The following XRCC5 variants were observed in gnomAD, a reference collection of about 807,000 sequenced individuals.
The protein encoded by XRCC5 is DNA repair protein Ku80.
A neutral mutation model predicts 95.7 loss-of-function variants in XRCC5; 12 were observed. That is an observed-to-expected ratio of 0.13 (90% CI 0.08 to 0.20). The LOEUF is 0.20. XRCC5 is among the 10% of genes least tolerant of loss of function. The pLI, the probability that XRCC5 is intolerant of heterozygous loss-of-function variation, is 1.00. For missense variants in XRCC5, 595 were observed against 873.9 expected (o/e 0.68, Z 4.02); for synonymous variants, 281 against 290.3 (o/e 0.97, Z 0.33).
intron 14 of XRCC5, among the ~76,000 whole-genome samples, chr2:216,157,492 CG>C (rs1373309478): frequency 2.0e-5 from 3 of 152,162 alleles, no homozygotes; most frequent in African/African-American, 7.2e-5. Flanking sequence ...CTCAGCCTCC[CG>C]AAGTGCTGGG....
Position 216,127,554 on chromosome 2 carries a change from A to G in XRCC5, c.817A>G (p.Lys273Glu). Reference protein sequence around the residue: ...AYKSILQERVKKTWTVVDAKT... With the variant: ...AYKSILQERVEKTWTVVDAKT... ...ATGTAAGATTCTACAGGAGAGAGTT[A>G]AAAAGACTTGGACAGTTGTGGATGC... The change falls in exon 8 of 21, where the codon AAA (lysine) becomes GAA (glutamate). Residue 273 changes from lysine (K) to glutamate (E), a missense_variant. By Grantham distance (56) the Lys-to-Glu change is moderately conservative. Around this residue, in one of 2 missense-constraint regions of XRCC5, gnomAD observed 286 missense variants for 491.1 expected, o/e 0.58. Transcript: ENST00000392132. The G allele has an allele frequency of 6.2e-7, 1 of 1,603,334 alleles. No homozygotes were observed. The highest frequency in any genetic ancestry group is 8.5e-7 in the Non-Finnish European group (1 of 1,177,342).
intron 16 of XRCC5, among the ~76,000 whole-genome samples, chr2:216,169,034 A>G (rs1689104921): frequency 1.3e-5 from 2 of 152,276 alleles, no homozygotes; most frequent in Admixed American, 6.5e-5. Context: ...GCCTGTTGAT[A>G]GGACTTTTGA....
rs140513362 is a variant in XRCC5 at position 216,172,871 on chromosome 2, TC to T, written c.1834+10825del. Among the ~76,000 whole-genome samples the T allele has an allele frequency of 2.8e-3, 420 of 152,338 alleles. 4 individuals carry two copies. The highest frequency in any genetic ancestry group is 9.7e-3 in the African/African-American group (402 of 41,582). ...TTGCCATTTTAATAATACTGAGTTATCCATGAACATGGAATAGTTACTCATT... is the reference window on the plus strand; with the variant it reads ...TTGCCATTTTAATAATACTGAGTTATCATGAACATGGAATAGTTACTCATT... On this transcript the variant is annotated intron_variant, in intron 16 of 20. Transcript: ENST00000392132.
intron 19 of XRCC5, among the ~76,000 whole-genome samples, chr2:216,200,645 C>T (rs564463569): frequency 3.3e-5 from 5 of 152,160 alleles, no homozygotes; most frequent in Admixed American, 3.3e-4. Context: ...TAGAACATTT[C>T]CATCACCACA....
intron 4 of XRCC5, 71 bp downstream of exon 4, chr2:216,117,865 G>C: frequency 1.4e-6 from 2 of 1,454,062 alleles, no homozygotes; most frequent in South Asian, 2.3e-5. Flanking sequence ...TGTATTGAAT[G>C]TATTTTGTGA....
At position 216,194,946 on chromosome 2, in the gene XRCC5, A is replaced by C; in HGVS notation, c.2069A>C (p.Glu690Ala). 6.2e-7 allele frequency: 1 copy of C among 1,614,182 alleles called. No individual in the cohort carries two copies. The highest frequency in any genetic ancestry group is 8.5e-7 in the Non-Finnish European group (1 of 1,180,010). The change falls in exon 19 of 21, where the codon GAA (glutamate) becomes GCA (alanine). Residue 690 changes from glutamate (E) to alanine (A), a missense_variant. Around this residue, in one of 2 missense-constraint regions of XRCC5, gnomAD observed 309 missense variants for 382.9 expected, o/e 0.81. Coordinates refer to ENST00000392132, the MANE Select transcript of XRCC5 (RefSeq NM_021141.4). The stretch of plus-strand genomic sequence containing the variant: ...GGAATTACTCTGATCACCAAAGAGG[A>C]AGCCTCTGGAAGTTCTGTCACAGCT... ...QDGITLITKE[E>A]ASGSSVTAEE...
In XRCC5 at chr2:216,109,434, A is replaced by G. The variant is rs771148075; in HGVS notation, c.-3A>G. The G allele has an allele frequency of 6.2e-7, 1 of 1,614,092 alleles. No homozygotes were observed. Among genetic ancestry groups the G allele is most frequent in the Non-Finnish European group, 8.5e-7 (1 of 1,179,962 alleles). The stretch of plus-strand genomic sequence containing the variant: ...GCGACCAAAGCGCCTGAGGACCGGC[A>G]ACATGGTGCGGTCGGGGAATAAGGT... On this transcript the variant is annotated 5_prime_UTR_variant, in exon 1 of 21. Coordinates refer to ENST00000392132, the MANE Select transcript of XRCC5 (RefSeq NM_021141.4).
At chr2:216,176,993 A>G (rs1689289452) in intron 16 of XRCC5, among the ~76,000 whole-genome samples, 1 of 152,196 alleles carries the variant, frequency 6.6e-6, no homozygotes, top group African/African-American at 2.4e-5. Flanking sequence ...AATTCCAAAT[A>G]TTGAAGATTT....
At chr2:216,156,332 A>C (rs3755148) in intron 14 of XRCC5, 1 of 666,394 alleles carries the variant, frequency 1.5e-6, no homozygotes, top group African/African-American at 1.8e-5. Context: ...CTGTGGAGGT[A>C]CCTTTCTGAA....
At chr2:216,135,039 A>G (rs1421172529) in intron 10 of XRCC5, among the ~76,000 whole-genome samples, 1 of 152,212 alleles carries the variant, frequency 6.6e-6, no homozygotes, top group African/African-American at 2.4e-5. Context: ...AAAAGTAATG[A>G]TTCTGTTATG....
intron 13 of XRCC5, 147 bp from the exon 14 acceptor site, chr2:216,147,936 T>A (rs1333862415): frequency 2.4e-6 from 2 of 839,414 alleles, no homozygotes; most frequent in African/African-American, 3.5e-5. Context: ...CAAAGGTGGT[T>A]CTAGGTGAAT....
At chr2:216,155,666 C>T (rs975493045) in intron 14 of XRCC5, among the ~76,000 whole-genome samples, 3 of 152,146 alleles carry the variant, frequency 2.0e-5, no homozygotes, top group Non-Finnish European at 2.9e-5. Flanking sequence ...ATGGACAGAT[C>T]TCTAAGGTCA....
chr2:216,155,465 T>A (rs1559249831), intron 14 of XRCC5, among the ~76,000 whole-genome samples: 1 of 152,102 alleles, frequency 6.6e-6, no homozygotes, highest in Non-Finnish European at 1.5e-5. Flanking sequence ...TTGGCAAATA[T>A]TTTTAAACAT....
chr2:216,198,250 A>T (rs943547233), intron 19 of XRCC5, among the ~76,000 whole-genome samples: 8 of 152,236 alleles, frequency 5.3e-5, no homozygotes, highest in Non-Finnish European at 1.0e-4. Context: ...TCTAAAATAC[A>T]GTACTCCCTG....
chr2:216,187,814 CA>C (rs1689526838), intron 16 of XRCC5, among the ~76,000 whole-genome samples: 3 of 110,366 alleles, frequency 2.7e-5, no homozygotes, highest in African/African-American at 4.4e-5. Context: ...CACACACACA[CA>C]CACACACTCT....
In XRCC5 at chr2:216,187,529, T is replaced by C. The variant is rs150490979; in HGVS notation, c.1835-2696T>C. On this transcript the variant is annotated intron_variant, in intron 16 of 20. Transcript: ENST00000392132. ...GTGTGTGTGTGTGTGTGTTCTATCA[T>C]ATTTCAGGATAAAATGAGTCAGGAA... is the stretch of plus-strand genomic sequence containing the variant. 5.4e-3 allele frequency among the ~76,000 whole-genome samples: 785 copies of C among 145,486 alleles called. 5 individuals carry two copies. Among genetic ancestry groups the C allele is most frequent in the African/African-American group, 0.019 (745 of 39,698 alleles).
chr2:216,183,696 G>A (rs912517641), intron 16 of XRCC5, among the ~76,000 whole-genome samples: 1 of 152,082 alleles, frequency 6.6e-6, no homozygotes, highest in African/African-American at 2.4e-5. Context: ...TTGTTAGATT[G>A]AGGAAGTTTG....
At chr2:216,113,249 G>A (rs1300155347) in intron 2 of XRCC5, 120 bp downstream of exon 2, 2 of 778,056 alleles carry the variant, frequency 2.6e-6, no homozygotes, top group Non-Finnish European at 4.1e-6. Context: ...GGGGGATTCT[G>A]GGGAGTTTCC....
chr2:216,119,600 G>A (rs1696771191), intron 5 of XRCC5, among the ~76,000 whole-genome samples: 1 of 152,064 alleles, frequency 6.6e-6, no homozygotes, highest in Admixed American at 6.5e-5. Context: ...AGACAGGAAT[G>A]CCAACTTGGG....
Sources: allele counts gnomAD v4.1 joint callset (sites outside exome capture counted in the v4.1 genomes callset), GRCh38; gene constraint gnomAD v4.1.1; regional missense constraint gnomAD v4.1.1; transcripts MANE v1.5; gene names NCBI Gene and HGNC (gene_info 2026-07-23, HGNC 2026-07-21).